Variants in CDH13 observed in about 807,000 individuals in gnomAD.
CDH13 encodes the protein cadherin 13, also known as cadherin-13.
Under a neutral mutation model 63.8 loss-of-function variants are expected in CDH13, and 24 were observed. That is an observed-to-expected ratio of 0.38 (90% CI 0.27 to 0.53). CDH13 has a LOEUF of 0.53. CDH13 is among the 20% of genes least tolerant of loss of function. The pLI is 0.85. For synonymous variants in CDH13, 503 were observed against 355.3 expected (o/e 1.42, Z -4.67); for missense variants, 1,049 against 903.1 (o/e 1.16, Z -2.07).
chr16:82,818,863 A>T (rs1187133273), intron 1 of CDH13, among the ~76,000 whole-genome samples: 1 of 152,206 alleles, frequency 6.6e-6, no homozygotes, highest in African/African-American at 2.4e-5. Flanking sequence ...ATAACTTTGC[A>T]AAAGGAAGAA....
chr16:83,469,527 G>T (rs1432877291), intron 6 of CDH13, among the ~76,000 whole-genome samples: 1 of 152,234 alleles, frequency 6.6e-6, no homozygotes, highest in African/African-American at 2.4e-5. Flanking sequence ...TTACATCCAC[G>T]GTGAGCCACA....
chr16:83,438,012 C>T (rs897333189), intron 6 of CDH13, among the ~76,000 whole-genome samples: 14 of 152,128 alleles, frequency 9.2e-5, no homozygotes, highest in African/African-American at 3.4e-4. Flanking sequence ...TCTGCTTCAG[C>T]CACCCACCCC....
chr16:83,130,583 T>C (rs1392442745), intron 4 of CDH13, among the ~76,000 whole-genome samples: 1 of 152,250 alleles, frequency 6.6e-6, no homozygotes, highest in African/African-American at 2.4e-5. Context: ...AGTGGTAGAA[T>C]ATAAGTTGGT....
chr16:83,650,859 G>A (rs1217512023), intron 8 of CDH13, among the ~76,000 whole-genome samples: 1 of 152,074 alleles, frequency 6.6e-6, no homozygotes, highest in East Asian at 1.9e-4. Context: ...GATTGCCTAA[G>A]GCCAGGAGTT....
intron 8 of CDH13, among the ~76,000 whole-genome samples, chr16:83,619,845 G>T (rs888478167): frequency 6.6e-6 from 1 of 152,226 alleles, no homozygotes; most frequent in Admixed American, 6.5e-5. Flanking sequence ...TCCTTAGGGG[G>T]AGACACAATT....
chr16:82,750,129 G>T (rs1010258738), intron 1 of CDH13, among the ~76,000 whole-genome samples: 7 of 152,266 alleles, frequency 4.6e-5, no homozygotes, highest in African/African-American at 9.6e-5. Flanking sequence ...AAGTTGAGCG[G>T]GGTGCTTTTG....
In CDH13 at chr16:82,891,142, T is replaced by C. The variant is rs568262500; in HGVS notation, c.157+32669T>C. 3.4e-4 allele frequency among the ~76,000 whole-genome samples: 52 copies of C among 151,976 alleles called. 1 individual carries two copies. Among genetic ancestry groups the C allele is most frequent in the African/African-American group, 1.1e-3 (46 of 41,476 alleles). On this transcript the variant is annotated intron_variant, in intron 2 of 13. Coordinates refer to ENST00000567109, the MANE Select transcript of CDH13 (RefSeq NM_001257.5). ...TACTGCCCCAGCCTCTGTATCAGCA[T>C]TATGTAGCAATGATGTTACTGAGCC...
chr16:82,799,345 C>A (rs1031356816), intron 1 of CDH13, among the ~76,000 whole-genome samples: 4 of 152,110 alleles, frequency 2.6e-5, no homozygotes, highest in African/African-American at 9.7e-5. Flanking sequence ...GCACCCAATC[C>A]CCACTTGGAC....
chr16:82,641,750 A>G (rs140752452), intron 1 of CDH13, among the ~76,000 whole-genome samples: 9 of 152,340 alleles, frequency 5.9e-5, no homozygotes, highest in African/African-American at 2.2e-4. Flanking sequence ...GCACTGACTG[A>G]GTGCTCAACA....
chr16:83,051,188 C>T (rs949230422), intron 3 of CDH13, among the ~76,000 whole-genome samples: 2 of 152,194 alleles, frequency 1.3e-5, no homozygotes, highest in Admixed American at 6.5e-5. Context: ...TGAGCCACAA[C>T]GAAATGAGTC....
At chr16:83,201,785 C>T (rs1015043803) in intron 4 of CDH13, among the ~76,000 whole-genome samples, 8 of 150,628 alleles carry the variant, frequency 5.3e-5, no homozygotes, top group South Asian at 2.1e-4. Context: ...GGCGTGGTAG[C>T]GGGTGCCTGT....
At chr16:83,336,861 C>G (rs895933101) in intron 5 of CDH13, among the ~76,000 whole-genome samples, 1 of 152,150 alleles carries the variant, frequency 6.6e-6, no homozygotes, top group African/African-American at 2.4e-5. Flanking sequence ...AAAATATTGG[C>G]TTTTAAGAGC....
At chr16:83,220,862 A>G (rs1289625108) in intron 5 of CDH13, among the ~76,000 whole-genome samples, 1 of 152,218 alleles carries the variant, frequency 6.6e-6, no homozygotes, top group Non-Finnish European at 1.5e-5. Flanking sequence ...TCTGGAATAC[A>G]TTTGTCCTTG....
intron 10 of CDH13, chr16:83,729,029 G>A (rs1910751702): frequency 6.6e-6 from 1 of 152,012 alleles, no homozygotes; most frequent in African/African-American, 2.4e-5. Context: ...GAGCATACAG[G>A]GTCTCCTTTT....
chr16:83,159,273 G>A (rs148298817), intron 4 of CDH13, among the ~76,000 whole-genome samples: 2,134 of 152,252 alleles, frequency 0.014, 26 homozygotes, highest in Non-Finnish European at 0.022. Flanking sequence ...CTCTAGTTGA[G>A]TTAAATTTAT....
At chr16:82,873,432 G>C (rs1389724627) in intron 2 of CDH13, among the ~76,000 whole-genome samples, 1 of 152,154 alleles carries the variant, frequency 6.6e-6, no homozygotes, top group Admixed American at 6.5e-5. Context: ...TGGTGTTGGA[G>C]TCTTCTTTCA....
chr16:83,241,726 T>C (rs1904469965), intron 5 of CDH13, among the ~76,000 whole-genome samples: 1 of 152,198 alleles, frequency 6.6e-6, no homozygotes, highest in Admixed American at 6.5e-5. Context: ...TATATTTTTC[T>C]GGATTTTAAC....
intron 3 of CDH13, among the ~76,000 whole-genome samples, chr16:83,065,090 A>C (rs775303341): frequency 1.3e-5 from 2 of 152,014 alleles, no homozygotes; most frequent in Middle Eastern, 3.2e-3. Context: ...CATACAAGTG[A>C]GATCATGTGG....
rs189950803 is a variant in CDH13 at position 83,452,284 on chromosome 16, C to T, written c.782-34193C>T. ...TTTTCTTGTGCAGAGGATTTAGCTG[C>T]CTATAATCAGTTTCATGAAACCTTG... On this transcript the variant is annotated intron_variant, in intron 6 of 13. Transcript: ENST00000567109. Among the ~76,000 whole-genome samples, 718 of 152,240 alleles carry T rather than the reference C, an allele frequency of 4.7e-3. 25 individuals are homozygous for T. The highest frequency in any genetic ancestry group is 0.039 in the Admixed American group (600 of 15,302).
Sources: gnomAD v4.1 joint callset for allele counts (sites outside exome capture counted in the v4.1 genomes callset) on GRCh38, gnomAD v4.1.1 for gene constraint, MANE v1.5 for transcripts, NCBI Gene and HGNC (gene_info 2026-07-23, HGNC 2026-07-21) for gene names.